The following IL4I1 variants were observed in gnomAD, a reference collection of about 807,000 sequenced individuals.
The protein encoded by IL4I1 is interleukin 4 induced 1.
Under a neutral mutation model 29.7 loss-of-function variants are expected in IL4I1, and 24 were observed. The ratio of observed to expected loss-of-function variants is 0.81; its 90% CI spans 0.59 to 1.14. The LOEUF is 1.14. Among genes scored for constraint, IL4I1 ranks in the 50% most tolerant of loss-of-function variants. The pLI, the probability that IL4I1 is intolerant of heterozygous loss-of-function variation, is 0.00. For missense variants in IL4I1, 686 were observed against 785.6 expected (o/e 0.87, Z 1.52); for synonymous variants, 371 against 352.5 (o/e 1.05, Z -0.59).
chr19:49,911,789 T>C (rs1434856792), intron 2 of IL4I1, among the ~76,000 whole-genome samples: 1 of 152,238 alleles, frequency 6.6e-6, no homozygotes, highest in African/African-American at 2.4e-5. Context: ...TGGGATGCTG[T>C]GGCCCTGGCA....
chr19:49,889,668 C>T lies in IL4I1; in HGVS notation c.*2G>A. ...GACCACACGGCTTTTTCCGAAAATA[C>T]TTTAATGCGAGGTCCTCGTGTGGGT... On this transcript the variant is annotated 3_prime_UTR_variant, in exon 8 of 8. Transcript: ENST00000391826. The T allele has an allele frequency of 1.4e-6, 2 of 1,480,822 alleles. No individual in the cohort carries two copies. Among genetic ancestry groups the T allele is most frequent in the Non-Finnish European group, 9.0e-7 (1 of 1,113,804 alleles). 91.7% of individuals were successfully genotyped at this position (1,480,822 alleles called of 1,614,324 possible).
intron 2 of IL4I1, among the ~76,000 whole-genome samples, chr19:49,924,624 T>G (rs945798909): frequency 1.3e-5 from 2 of 152,122 alleles, no homozygotes; most frequent in Non-Finnish European, 2.9e-5. Context: ...GGCCAGGACA[T>G]GAGTCCTGAA....
intron 2 of IL4I1, chr19:49,909,907 G>T: frequency 7.5e-7 from 1 of 1,330,188 alleles, no homozygotes; most frequent in Non-Finnish European, 1.1e-6. Flanking sequence ...AAGTGACATT[G>T]TCAGATGGCA....
At chr19:49,899,570 T>A (rs1344583628), upstream of IL4I1, among the ~76,000 whole-genome samples, 76 of 151,302 alleles carry the variant, frequency 5.0e-4, no homozygotes, top group East Asian at 0.012. Context: ...TTGTTTTTTT[T>A]AATTGAGACG....
upstream of IL4I1, among the ~76,000 whole-genome samples, chr19:49,899,040 A>G (rs778687178): frequency 5.3e-5 from 8 of 152,268 alleles, no homozygotes; most frequent in Non-Finnish European, 8.8e-5. Flanking sequence ...CATGTCAAGT[A>G]TGAACGCGGC....
Position 49,889,862 on chromosome 19 carries a change from G to A in IL4I1, c.1512C>T (p.Ile504=). 6.3e-7 allele frequency: 1 copy of A among 1,595,796 alleles called. No homozygotes were observed. The highest frequency in any genetic ancestry group is 8.5e-7 in the Non-Finnish European group (1 of 1,170,700). The change falls in exon 8 of 8, where the codon ATC becomes ATT. Residue 504 remains isoleucine (I), a synonymous_variant. Transcript: ENST00000391826. ...CCGATGCAGGCCCCTTCCGGCTGTT[G>A]ATCTTGATGGCGGCGCGCAGCGCCG... ...VKSALRAAIK[I]NSRKGPASDT... is the part of the protein sequence containing the mutation.
At chr19:49,901,953 C>A in intron 3 of IL4I1, 1 of 349,094 alleles carries the variant, frequency 2.9e-6, no homozygotes, top group Non-Finnish European at 5.2e-6. Context: ...CACTCACCCT[C>A]CCCGCCCTCT....
In IL4I1 at chr19:49,889,761, G is replaced by C; in HGVS notation, c.1613C>G (p.Ser538Trp). 1 of 1,523,378 alleles carries C rather than the reference G, an allele frequency of 6.6e-7. No homozygotes were observed. The highest frequency in any genetic ancestry group is 8.8e-7 in the Non-Finnish European group (1 of 1,135,800). 94.4% of individuals were successfully genotyped at this position (1,523,378 alleles called of 1,614,324 possible). The change falls in exon 8 of 8, where the codon TCG becomes TGG. Residue 538 changes from serine to tryptophan, a missense_variant. Coordinates refer to ENST00000391826, the MANE Select transcript of IL4I1 (RefSeq NM_152899.2). ...GCCTTCTTCCTTTGCCAGGTCATGC[G>C]AGGGGCTGCTGGCCACCCCATGCAC... ...GHVHGVASSP[S>W]HDLAKEEGSH...
upstream of IL4I1, among the ~76,000 whole-genome samples, chr19:49,899,937 C>G (rs1316514003): frequency 6.6e-6 from 1 of 151,880 alleles, no homozygotes; most frequent in Non-Finnish European, 1.5e-5. Context: ...TGGGCTTAAG[C>G]GATCCTCCAG....
Position 49,912,550 on chromosome 19 carries a change from T to C in IL4I1, c.-227-8229A>G, listed in dbSNP as rs74763379. ...TCTATTCACAATGGTGAACCCATAC[T>C]GATCCAGCCCTGATCCACGCAGTTT... On this transcript the variant is annotated intron_variant, in intron 2 of 9. Coordinates refer to the IL4I1 transcript ENST00000341114. Among the ~76,000 whole-genome samples the C allele has an allele frequency of 1.3e-3, 193 of 152,228 alleles. 1 individual carries two copies. Among genetic ancestry groups the C allele is most frequent in the African/African-American group, 4.4e-3 (184 of 41,552 alleles).
Position 49,889,837 on chromosome 19 carries a change from C to G in IL4I1, c.1537G>C (p.Asp513His). 6.3e-7 allele frequency: 1 copy of G among 1,575,910 alleles called. No individual in the cohort carries two copies. Among genetic ancestry groups the G allele is most frequent in the Non-Finnish European group, 8.6e-7 (1 of 1,160,174 alleles). Reference protein sequence around the residue: ...KINSRKGPASDTASPEGHASD... With the variant: ...KINSRKGPASHTASPEGHASD... ...GCGTGCCCCTCGGGGCTGGCCGTGT[C>G]CGATGCAGGCCCCTTCCGGCTGTTG... Residue 513 changes from aspartate to histidine, a missense_variant, in exon 8 of 8, where the codon GAC becomes CAC. Coordinates refer to ENST00000391826, the MANE Select transcript of IL4I1 (RefSeq NM_152899.2).
At position 49,896,034 on chromosome 19, in the gene IL4I1, G is replaced by A. The variant is rs543317986; in HGVS notation, c.33C>T (p.Leu11=). Residue 11 remains leucine, a synonymous_variant, in exon 3 of 8, where the codon CTC becomes CTT. Transcript: ENST00000391826. MAPLALHLLV[L]VPILLSLVAS... ...CCACCAGGCTGAGGAGGATGGGGACGAGGACGAGGAGGTGCAGGGCTGGGA... is the reference window on the plus strand; with the variant it reads ...CCACCAGGCTGAGGAGGATGGGGACAAGGACGAGGAGGTGCAGGGCTGGGA... 1.4e-4 allele frequency: 231 copies of A among 1,614,052 alleles called. 2 individuals carry two copies. In the South Asian group the frequency reaches 2.0e-3, roughly 14 times the overall value.
At chr19:49,903,836 T>TTA (rs2075292019) in intron 3 of IL4I1, among the ~76,000 whole-genome samples, 1 of 128,394 alleles carries the variant, frequency 7.8e-6, no homozygotes, top group African/African-American at 3.1e-5. Flanking sequence ...CTGGGTTTTT[T>TTA]TTTTTTTTTT....
chr19:49,891,747 T>C (rs1044149393), intron 5 of IL4I1, among the ~76,000 whole-genome samples: 1 of 151,946 alleles, frequency 6.6e-6, no homozygotes, highest in Non-Finnish European at 1.5e-5. Flanking sequence ...CCCGGTTGCG[T>C]GTTATTTTGC....
At chr19:49,911,070 A>C (rs1330035015) in intron 2 of IL4I1, 3 of 152,134 alleles carry the variant, frequency 2.0e-5, no homozygotes, top group Non-Finnish European at 2.9e-5. Flanking sequence ...ATGCGTGGAT[A>C]ATCTTTTTTA....
Position 49,921,469 on chromosome 19 carries a change from A to G in IL4I1, c.-228+6225T>C, listed in dbSNP as rs997743992. Among the ~76,000 whole-genome samples the G allele has an allele frequency of 1.4e-4, 21 of 151,992 alleles. No homozygotes were observed. Among genetic ancestry groups the G allele is most frequent in the African/African-American group, 4.8e-4 (20 of 41,352 alleles). The stretch of plus-strand genomic sequence containing the variant: ...AGCCTGGGCTTCACTCTCAAATCCA[A>G]TTCAGGATGATCCGCCCGCCCCAGC... On this transcript the variant is annotated intron_variant, in intron 2 of 9. Coordinates refer to the IL4I1 transcript ENST00000341114. This position sits in a 1 kb window ranked among gnomAD's most constrained non-coding sequence, Gnocchi z 5.4.
rs771543345 is a variant in IL4I1, at chr19:49,891,485, G to A, written c.568-12C>T. 3 of 1,613,684 alleles carry A rather than the reference G, an allele frequency of 1.9e-6. No homozygotes were observed. The highest frequency in any genetic ancestry group is 1.1e-5 in the South Asian group (1 of 91,086). On this transcript the variant is annotated splice_polypyrimidine_tract_variant and intron_variant, in intron 5 of 7. Transcript: ENST00000391826. ...AGGTCTTTGAGGGCCTGTTGTGGAA[G>A]AAGCAGACATGGTGCTGAGCTGCCC...
At chr19:49,906,321 A>C (rs2075323311) in intron 2 of IL4I1, among the ~76,000 whole-genome samples, 1 of 152,116 alleles carries the variant, frequency 6.6e-6, no homozygotes, top group South Asian at 2.1e-4. Context: ...TGATCCTTCC[A>C]TCTCAGCCTC....
chr19:49,916,603 T>C (rs749322287), intron 2 of IL4I1, among the ~76,000 whole-genome samples: 1 of 151,000 alleles, frequency 6.6e-6, no homozygotes, highest in African/African-American at 2.4e-5. Context: ...GCACTAAAAA[T>C]ACAAAAAAAA....
Sources: allele counts gnomAD v4.1 joint callset (sites outside exome capture counted in the v4.1 genomes callset), GRCh38; gene constraint gnomAD v4.1.1; non-coding constraint Gnocchi (gnomAD v3.1); transcripts MANE v1.5; gene names NCBI Gene and HGNC (gene_info 2026-07-23, HGNC 2026-07-21).